Variants in SUPT3H observed in about 807,000 individuals in gnomAD.
SUPT3H encodes transcription initiation protein SPT3 homolog.
Under a neutral mutation model 44.3 loss-of-function variants are expected in SUPT3H, and 44 were observed. The observed-to-expected ratio is 0.99, with a 90% confidence interval of 0.78 to 1.28. SUPT3H has a LOEUF of 1.28. SUPT3H is among the 50% of genes most tolerant of loss of function. SUPT3H has a pLI of 0.00. For synonymous variants in SUPT3H, 124 were observed against 125.6 expected (o/e 0.99, Z 0.09); for missense variants, 380 against 387.1 (o/e 0.98, Z 0.15).
chr6:45,126,415 T>TA (rs1802435116), intron 2 of SUPT3H, among the ~76,000 whole-genome samples: 1 of 152,186 alleles, frequency 6.6e-6, no homozygotes, highest in South Asian at 2.1e-4. Context: ...GATACACATT[T>TA]AAAAAATGAA....
chr6:45,215,501 G>GA (rs771445433), intron 2 of SUPT3H, among the ~76,000 whole-genome samples: 67 of 151,950 alleles, frequency 4.4e-4, no homozygotes, highest in Non-Finnish European at 5.1e-4. Context: ...AAATATCGGG[G>GA]AAAAAAATCT....
At chr6:45,357,462 C>A (rs1401547564) in intron 2 of SUPT3H, among the ~76,000 whole-genome samples, 7 of 152,080 alleles carry the variant, frequency 4.6e-5, no homozygotes, top group African/African-American at 1.7e-4. Context: ...TCCCAAGTAG[C>A]TGGGACTACA....
At chr6:45,284,762 G>A (rs974474681) in intron 2 of SUPT3H, among the ~76,000 whole-genome samples, 1 of 152,134 alleles carries the variant, frequency 6.6e-6, no homozygotes, top group African/African-American at 2.4e-5. Context: ...GCATCATCCT[G>A]ATACCAAAGA....
At chr6:45,221,614 T>C (rs6899763) in intron 2 of SUPT3H, among the ~76,000 whole-genome samples, 95,173 of 152,002 alleles carry the variant, frequency 0.63, 30,589 homozygotes, top group African/African-American at 0.79. Context: ...TTTATGTTCA[T>C]AGATTAGAAG....
chr6:45,085,052 C>A (rs937304073), intron 3 of SUPT3H, among the ~76,000 whole-genome samples: 1 of 152,052 alleles, frequency 6.6e-6, no homozygotes, highest in East Asian at 1.9e-4. Context: ...ATATCCCAAA[C>A]CTCAGTGTCA....
At chr6:45,359,726 A>C (rs1254500331) in intron 2 of SUPT3H, among the ~76,000 whole-genome samples, 2 of 152,208 alleles carry the variant, frequency 1.3e-5, no homozygotes, top group Non-Finnish European at 2.9e-5. Flanking sequence ...AGATATAGGA[A>C]ACTGCAACAA....
rs562658909 is a variant in SUPT3H, at chr6:44,870,827, C to G, written c.913-40970G>C. ...GAGCTGAAGCAGGGCGAGGCATTCC[C>G]TCACCTGGGAAGCGCAAGGGGTCAG... On this transcript the variant is annotated intron_variant, in intron 10 of 10. Coordinates refer to ENST00000371459, the MANE Select transcript of SUPT3H (RefSeq NM_003599.4). 6.7e-3 allele frequency among the ~76,000 whole-genome samples: 1,020 copies of G among 151,744 alleles called. 10 individuals carry two copies. Among genetic ancestry groups the G allele is most frequent in the Non-Finnish European group, 8.5e-3 (575 of 67,886 alleles).
At chr6:45,204,729 C>G (rs1211803443) in intron 2 of SUPT3H, among the ~76,000 whole-genome samples, 1 of 152,174 alleles carries the variant, frequency 6.6e-6, no homozygotes, top group South Asian at 2.1e-4. Flanking sequence ...GGAATCACTC[C>G]CAGGCTACTG....
At chr6:44,897,610 T>C (rs1249111158) in intron 10 of SUPT3H, among the ~76,000 whole-genome samples, 1 of 152,180 alleles carries the variant, frequency 6.6e-6, no homozygotes. Context: ...AAGGCCATGC[T>C]TCCATTTTTA....
intron 2 of SUPT3H, among the ~76,000 whole-genome samples, chr6:45,189,750 G>C (rs1416373671): frequency 1.3e-5 from 2 of 152,112 alleles, no homozygotes; most frequent in Admixed American, 1.3e-4. Context: ...CCTTACCTTT[G>C]AGACCCCTTT....
chr6:45,136,350 C>CA (rs1252279293), intron 2 of SUPT3H, among the ~76,000 whole-genome samples: 5 of 151,852 alleles, frequency 3.3e-5, no homozygotes, highest in African/African-American at 1.2e-4. Flanking sequence ...ACAATAACCC[C>CA]AAAGGAAGAA....
chr6:45,258,154 T>C lies in SUPT3H; in HGVS notation c.101+107047A>G, dbSNP rs569266617. Among the ~76,000 whole-genome samples, 9 of 152,344 alleles carry C rather than the reference T, an allele frequency of 5.9e-5. No individual in the cohort carries two copies. The East Asian group carries it at 1.7e-3, about 29-fold the overall frequency. On this transcript the variant is annotated intron_variant, in intron 2 of 10. Coordinates refer to ENST00000371459, the MANE Select transcript of SUPT3H (RefSeq NM_003599.4). ...ACGAATCAGACAATTCTGATATTAG[T>C]TCTGTTTAGACACAACTCCAAGAAG...
intron 10 of SUPT3H, among the ~76,000 whole-genome samples, chr6:44,870,690 TGA>T (rs1776256320): frequency 1.3e-5 from 2 of 149,888 alleles, no homozygotes; most frequent in Admixed American, 6.6e-5. Flanking sequence ...GCTCCCAGCA[TGA>T]GCGACGCAGA....
At chr6:45,340,361 T>A (rs1053009859) in intron 2 of SUPT3H, among the ~76,000 whole-genome samples, 7 of 152,142 alleles carry the variant, frequency 4.6e-5, no homozygotes, top group African/African-American at 1.7e-4. Context: ...TCTCACTCTG[T>A]CACCCAGGCT....
intron 6 of SUPT3H, among the ~76,000 whole-genome samples, chr6:45,002,799 T>C (rs1782179704): frequency 6.6e-6 from 1 of 152,112 alleles, no homozygotes; most frequent in Non-Finnish European, 1.5e-5. Flanking sequence ...GTATGTCTAC[T>C]GGACCTCCTC....
At chr6:45,372,495 C>T (rs544925065) in intron 1 of SUPT3H, among the ~76,000 whole-genome samples, 5 of 152,126 alleles carry the variant, frequency 3.3e-5, no homozygotes, top group Admixed American at 2.6e-4. Context: ...CATAAAACCA[C>T]TATAGCATTT....
At chr6:45,372,826 A>AT (rs760527244) in intron 1 of SUPT3H, among the ~76,000 whole-genome samples, 19 of 150,708 alleles carry the variant, frequency 1.3e-4, no homozygotes, top group East Asian at 5.9e-4. Context: ...GCTCAGCTAC[A>AT]TTTTTTTTTG....
intron 1 of SUPT3H, among the ~76,000 whole-genome samples, chr6:45,366,148 T>C (rs1421522791): frequency 1.3e-5 from 2 of 152,192 alleles, no homozygotes; most frequent in African/African-American, 4.8e-5. Context: ...TTGCATAAAC[T>C]TTGCAAAGCT....
chr6:45,048,835 T>A (rs896130304), intron 3 of SUPT3H, among the ~76,000 whole-genome samples: 1 of 152,118 alleles, frequency 6.6e-6, no homozygotes, highest in Middle Eastern at 3.4e-3. Context: ...TCTAAAACGT[T>A]TGACCTCACG....
Sources: allele counts gnomAD v4.1 joint callset (sites outside exome capture counted in the v4.1 genomes callset), GRCh38; gene constraint gnomAD v4.1.1; transcripts MANE v1.5; gene names NCBI Gene and HGNC (gene_info 2026-07-23, HGNC 2026-07-21).